The following HOXB3 variants were observed in gnomAD, a reference collection of about 807,000 sequenced individuals.
The protein encoded by HOXB3 is homeobox protein Hox-B3.
In HOXB3, 17 loss-of-function variants were observed where a neutral mutation model predicts 29.2. That is an observed-to-expected ratio of 0.58 (90% CI 0.40 to 0.87). HOXB3 has a LOEUF of 0.87. Ranked by LOEUF, HOXB3 falls within the 40% of genes least tolerant of loss-of-function variation. HOXB3 has a pLI of 0.00. For missense variants in HOXB3, 637 were observed against 616.3 expected (o/e 1.03, Z -0.35); for synonymous variants, 317 against 285.9 (o/e 1.11, Z -1.10).
chr17:48,562,347 TC>T (rs1316410810), intron 2 of HOXB3, among the ~76,000 whole-genome samples: 1 of 151,614 alleles, frequency 6.6e-6, no homozygotes, highest in African/African-American at 2.4e-5. Flanking sequence ...AGACAAGCAT[TC>T]CCCCAGATGG....
At chr17:48,559,242 G>C (rs936639294) in intron 2 of HOXB3, among the ~76,000 whole-genome samples, 2 of 152,094 alleles carry the variant, frequency 1.3e-5, no homozygotes, top group South Asian at 4.1e-4. Flanking sequence ...CGGCGGGATC[G>C]TGCCTGTTTC....
At chr17:48,561,183 A>AAAACACACAC (rs1291395707) in intron 2 of HOXB3, among the ~76,000 whole-genome samples, 9 of 125,382 alleles carry the variant, frequency 7.2e-5, no homozygotes, top group African/African-American at 2.3e-4. Context: ...TCCGTCTCAA[A>AAAACACACAC]ACACACACAC....
Position 48,552,015 on chromosome 17 carries a change from G to A in HOXB3, c.448+12C>T. The A allele has an allele frequency of 6.5e-7, 1 of 1,550,160 alleles. No individual in the cohort carries two copies. The highest frequency in any genetic ancestry group is 8.7e-7 in the Non-Finnish European group (1 of 1,143,444). The stretch of plus-strand genomic sequence containing the variant: ...ACAAAAGCTGAGGACAAGGAAGGCA[G>A]AGAACTGGTACCTGTGCCGGGGGAG... On this transcript the variant is annotated intron_variant, in intron 4 of 4. Coordinates refer to ENST00000498678, the MANE Select transcript of HOXB3 (RefSeq NM_001384749.1).
At chr17:48,558,442 G>A (rs568112337) in intron 2 of HOXB3, among the ~76,000 whole-genome samples, 15 of 152,162 alleles carry the variant, frequency 9.9e-5, no homozygotes, top group South Asian at 2.1e-4. Context: ...CCCCAAATGC[G>A]GTAGGAGATG....
At chr17:48,566,358 G>A (rs1193688036) in intron 2 of HOXB3, among the ~76,000 whole-genome samples, 1 of 152,028 alleles carries the variant, frequency 6.6e-6, no homozygotes, top group Non-Finnish European at 1.5e-5. Flanking sequence ...CTGGGGAAGA[G>A]TCTGTGCGTG....
At chr17:48,577,544 C>T (rs1346929946) in intron 1 of HOXB3, among the ~76,000 whole-genome samples, 1 of 152,180 alleles carries the variant, frequency 6.6e-6, no homozygotes, top group East Asian at 1.9e-4. Flanking sequence ...TCCTCCTTCT[C>T]CTCCTCCACC....
chr17:48,585,427 T>G (rs1331077360), intron 1 of HOXB3, among the ~76,000 whole-genome samples: 4 of 152,138 alleles, frequency 2.6e-5, no homozygotes, highest in Admixed American at 2.6e-4. Context: ...CTCACAGGGC[T>G]AGAGGGAGAG....
chr17:48,561,018 TAA>T (rs754228371), intron 2 of HOXB3, among the ~76,000 whole-genome samples: 6 of 152,088 alleles, frequency 3.9e-5, no homozygotes, highest in Non-Finnish European at 5.9e-5. Flanking sequence ...GTGTCTCCAC[TAA>T]AAATACAAAA....
Position 48,551,141 on chromosome 17 carries a change from T to TCCG in HOXB3, c.486_488dup (p.Gly164dup), listed in dbSNP as rs762753310. On this transcript the variant is annotated inframe_insertion, in exon 5 of 5. Coordinates refer to ENST00000498678, the MANE Select transcript of HOXB3 (RefSeq NM_001384749.1). The stretch of plus-strand genomic sequence containing the variant: ...CACCGCCCCCGCTGCCACCACTGCC[T>TCCG]CCGCCGCCGCCGCCACCGCCGCCGC... 1.5e-5 allele frequency: 19 copies of TCCG among 1,307,288 alleles called. No individual in the cohort carries two copies. Among genetic ancestry groups the TCCG allele is most frequent in the East Asian group, 3.0e-5 (1 of 33,516 alleles). 81.0% of individuals were successfully genotyped at this position (1,307,288 alleles called of 1,614,324 possible). A position where few individuals can be genotyped will look rare whatever the true frequency, so the allele number is the denominator to read the frequency against.
At chr17:48,555,369 G>GAGGGAGAGA (rs1567949305) in intron 3 of HOXB3, 162 bp downstream of exon 3, 1 of 192,164 alleles carries the variant, frequency 5.2e-6, no homozygotes, top group African/African-American at 5.4e-5. Context: ...AGAGAGGGAG[G>GAGGGAGAGA]GAGGGAGGGA....
At chr17:48,575,862 T>TC (rs1251477965) in intron 1 of HOXB3, 1 of 152,514 alleles carries the variant, frequency 6.6e-6, no homozygotes, top group African/African-American at 2.4e-5. Context: ...AGTGCCCAGC[T>TC]CCCAGAACTC....
At chr17:48,581,205 G>A (rs1039285684) in intron 1 of HOXB3, 1 of 152,180 alleles carries the variant, frequency 6.6e-6, no homozygotes, top group Admixed American at 6.5e-5. Flanking sequence ...CCCACAACTA[G>A]GTCCAGAGAC....
chr17:48,558,613 CG>C (rs2069084457), intron 2 of HOXB3, among the ~76,000 whole-genome samples: 2 of 151,950 alleles, frequency 1.3e-5, no homozygotes. Flanking sequence ...GGCTGGAGGA[CG>C]GAGGGTGGAA....
rs200719688 is a variant in HOXB3 at position 48,550,815 on chromosome 17, G to A, written c.815C>T (p.Thr272Met). ...GTGTAAGGCGTTCATGAAGCCGGCC[G>A]TGGACTGCATGGGCTGCGGGGGGCT... ...AGSPPQPMQSTAGFMNALHSM... is the reference protein window; with the variant it reads ...AGSPPQPMQSMAGFMNALHSM... Residue 272 changes from threonine to methionine, a missense_variant, in exon 5 of 5, where the codon ACG becomes ATG. Thr to Met is a moderately conservative substitution (Grantham distance 81). Transcript: ENST00000498678. 1.5e-4 allele frequency: 241 copies of A among 1,613,528 alleles called. No homozygotes were observed. Among genetic ancestry groups the A allele is most frequent in the Middle Eastern group, 1.6e-4 (1 of 6,080 alleles).
At chr17:48,565,456 G>A (rs987251444) in intron 2 of HOXB3, among the ~76,000 whole-genome samples, 1 of 152,218 alleles carries the variant, frequency 6.6e-6, no homozygotes, top group Admixed American at 6.5e-5. Flanking sequence ...CTCCCCAAAG[G>A]GTTTGGGCTT....
At chr17:48,584,285 G>C (rs1482326267) in intron 1 of HOXB3, among the ~76,000 whole-genome samples, 3 of 152,238 alleles carry the variant, frequency 2.0e-5, no homozygotes, top group Non-Finnish European at 4.4e-5. Flanking sequence ...GCTTGGGAGA[G>C]AGTGAGAGAA....
At chr17:48,551,539 C>A (rs1056241225) in intron 4 of HOXB3, among the ~76,000 whole-genome samples, 3 of 152,322 alleles carry the variant, frequency 2.0e-5, no homozygotes, top group African/African-American at 7.2e-5. Flanking sequence ...GAAGACATTT[C>A]CCCTCCCCGC....
At position 48,590,135 on chromosome 17, in the gene HOXB3, C is replaced by G. The variant is rs2070122110; in HGVS notation, c.-435G>C. On this transcript the variant is annotated 5_prime_UTR_variant, in exon 1 of 5. Coordinates refer to ENST00000498678, the MANE Select transcript of HOXB3 (RefSeq NM_001384749.1). The stretch of plus-strand genomic sequence containing the variant: ...CTGAAAGCGACTTACTGCGGGAATG[C>G]TGGCCTGGGCCGCCGCTGCCTTCTG... 1 of 152,264 alleles carries G rather than the reference C, an allele frequency of 6.6e-6. No homozygotes were observed. The highest frequency in any genetic ancestry group is 1.5e-5 in the Non-Finnish European group (1 of 68,064). 9.4% of individuals were successfully genotyped at this position (152,264 alleles called of 1,614,324 possible).
Position 48,576,622 on chromosome 17 carries a change from G to T in HOXB3, c.-424-2608C>A, listed in dbSNP as rs1322343771. 4 of 1,123,886 alleles carry T rather than the reference G, an allele frequency of 3.6e-6. No individual in the cohort carries two copies. In the East Asian group the frequency reaches 1.1e-4, roughly 30 times the overall value. 69.6% of individuals were successfully genotyped at this position (1,123,886 alleles called of 1,614,324 possible). On this transcript the variant is annotated intron_variant, in intron 1 of 4. Coordinates refer to ENST00000498678, the MANE Select transcript of HOXB3 (RefSeq NM_001384749.1). ...TGGGGGAGGGCAGATAGATTTTTCCGGGGCCCAGGCCCCAGGGCCCCCTCC... is the reference window on the plus strand; with the variant it reads ...TGGGGGAGGGCAGATAGATTTTTCCTGGGCCCAGGCCCCAGGGCCCCCTCC...
Sources: allele counts gnomAD v4.1 joint callset (sites outside exome capture counted in the v4.1 genomes callset), GRCh38; gene constraint gnomAD v4.1.1; transcripts MANE v1.5; gene names NCBI Gene and HGNC (gene_info 2026-07-23, HGNC 2026-07-21).